The following ALLC variants were observed in gnomAD, a reference collection of about 807,000 sequenced individuals.
ALLC encodes allantoicase.
ALLC carries 40 observed loss-of-function variants against 45.0 expected under a neutral mutation model. That is an observed-to-expected ratio of 0.89 (90% CI 0.69 to 1.16). The LOEUF is 1.16. Among genes scored for constraint, ALLC ranks in the 50% most tolerant of loss-of-function variants. The probability of loss-of-function intolerance (pLI) is 0.00; values close to 1 mark genes in which losing one functional copy is unlikely to be tolerated. For missense variants in ALLC, 488 were observed against 493.1 expected, an observed-to-expected ratio of 0.99 and a Z score of 0.10; for synonymous variants, 176 against 178.1, an observed-to-expected ratio of 0.99 and a Z score of 0.09.
At chr2:3,690,728 T>C (rs1188097872) in intron 7 of ALLC, among the ~76,000 whole-genome samples, 1 of 151,944 alleles carries the variant, frequency 6.6e-6, no homozygotes, top group East Asian at 1.9e-4. Flanking sequence ...TTTGACTTCA[T>C]GTTGTCTCAA....
rs375399139 is a variant in ALLC at position 3,660,301 on chromosome 2, G to A, written c.-63+2007G>A. On this transcript the variant is annotated intron_variant, in intron 1 of 11. Transcript: ENST00000252505. ...GGAGTGGAAGCAGCCTGAGGCCCTC[G>A]CTGGAAGCATATGCTAGCGCCGTGC... Among the ~76,000 whole-genome samples the A allele has an allele frequency of 1.8e-4, 28 of 152,252 alleles. No individual in the cohort carries two copies. In the East Asian group the frequency reaches 2.7e-3, roughly 15 times the overall value.
At chr2:3,651,809 C>T in the ALLC span, among the ~76,000 whole-genome samples, 1 of 152,082 alleles carries the variant, frequency 6.6e-6, no homozygotes, top group African/African-American at 2.4e-5. Context: ...TCCTTATTCG[C>T]GGGCAGCTAT....
upstream of ALLC, among the ~76,000 whole-genome samples, chr2:3,657,557 C>G (rs1666471466): frequency 6.6e-6 from 1 of 152,160 alleles, no homozygotes; most frequent in Admixed American, 6.5e-5. Context: ...GATAGCTTGC[C>G]CCGCAGGGTG....
At chr2:3,656,449 G>A (rs116436166), upstream of ALLC, among the ~76,000 whole-genome samples, 444 of 152,356 alleles carry the variant, frequency 2.9e-3, 1 homozygote, top group African/African-American at 0.01. Flanking sequence ...CCAGCCTGTC[G>A]CCTCTGCCGC....
rs146220557 is a variant in ALLC at position 3,701,656 on chromosome 2, C to G, written c.975+20C>G. On this transcript the variant is annotated intron_variant, in intron 11 of 11. Coordinates refer to ENST00000252505, the MANE Select transcript of ALLC (RefSeq NM_018436.4). ...ACCAAGGTTCGTGTGGCATGTTATT[C>G]GGATCCAGCACTCAGACTGTGCTAT... The G allele has an allele frequency of 6.2e-7, 1 of 1,606,112 alleles. No individual in the cohort carries two copies. The highest frequency in any genetic ancestry group is 1.1e-5 in the South Asian group (1 of 89,826).
upstream of ALLC, among the ~76,000 whole-genome samples, chr2:3,657,041 C>T (rs550889819): frequency 9.9e-5 from 15 of 152,260 alleles, 1 homozygote; most frequent in South Asian, 2.7e-3. Context: ...GACGAAGCCA[C>T]GTGCATTAAT....
chr2:3,648,452 C>T, the ALLC span, among the ~76,000 whole-genome samples: 2 of 152,206 alleles, frequency 1.3e-5, no homozygotes, highest in Non-Finnish European at 2.9e-5. Context: ...TCTTCCTCAC[C>T]TGCACGGCGG....
At chr2:3,651,706 G>A in the ALLC span, among the ~76,000 whole-genome samples, 1 of 151,992 alleles carries the variant, frequency 6.6e-6, no homozygotes, top group Non-Finnish European at 1.5e-5. Flanking sequence ...AACCCCATGC[G>A]GAGCTCCATC....
At chr2:3,684,471 T>TG (rs1212403803) in intron 7 of ALLC, among the ~76,000 whole-genome samples, 1 of 152,198 alleles carries the variant, frequency 6.6e-6, no homozygotes, top group Non-Finnish European at 1.5e-5. Flanking sequence ...TTTGGTTACA[T>TG]GGATAAGTTC....
intron 7 of ALLC, among the ~76,000 whole-genome samples, chr2:3,684,982 A>G (rs1057284887): frequency 6.6e-5 from 10 of 152,114 alleles, no homozygotes; most frequent in African/African-American, 2.2e-4. Context: ...CTTTGATTTC[A>G]TATTTTGGCT....
intron 1 of ALLC, among the ~76,000 whole-genome samples, chr2:3,662,872 C>T (rs915359854): frequency 6.6e-5 from 10 of 152,084 alleles, no homozygotes; most frequent in Admixed American, 1.3e-4. Flanking sequence ...GTTGCAGTGG[C>T]GAGGGGATAT....
At position 3,702,496 on chromosome 2, in the gene ALLC, T is replaced by C; in HGVS notation, c.1109T>C (p.Ile370Thr). 1.2e-6 allele frequency: 2 copies of C among 1,611,024 alleles called. No individual in the cohort carries two copies. The highest frequency in any genetic ancestry group is 1.7e-6 in the Non-Finnish European group (2 of 1,179,116). ...RLRLRGFPSSICLLRPREKPM... is the reference protein window; with the variant it reads ...RLRLRGFPSSTCLLRPREKPM... Reference sequence around the variant, plus strand: ...CGGCTCCGGGGCTTCCCCAGCTCCATCTGCCTCCTGAGGCCCCGGGAGAAG... The same window carrying C: ...CGGCTCCGGGGCTTCCCCAGCTCCACCTGCCTCCTGAGGCCCCGGGAGAAG... The change falls in exon 12 of 12, where the codon ATC (isoleucine) becomes ACC (threonine). Residue 370 changes from isoleucine (I) to threonine (T), a missense_variant. Transcript: ENST00000252505.
At chr2:3,693,920 G>A (rs1465700416) in intron 7 of ALLC, among the ~76,000 whole-genome samples, 6 of 152,106 alleles carry the variant, frequency 3.9e-5, no homozygotes, top group South Asian at 2.1e-4. Flanking sequence ...CCCGGGAGGC[G>A]GAGGTTGCAG....
chr2:3,671,470 G>T (rs1303340141), intron 2 of ALLC, among the ~76,000 whole-genome samples: 1 of 152,274 alleles, frequency 6.6e-6, no homozygotes, highest in Admixed American at 6.5e-5. Context: ...GCTCTAGTTA[G>T]ATCTGAGGTC....
chr2:3,655,546 G>T (rs535212218), upstream of ALLC, among the ~76,000 whole-genome samples: 23 of 152,302 alleles, frequency 1.5e-4, no homozygotes, highest in South Asian at 4.8e-3. Context: ...GCCTTGAACT[G>T]CTGGGCTCAA....
chr2:3,679,854 C>T lies in ALLC; in HGVS notation c.173-15C>T. 1 of 1,613,618 alleles carries T rather than the reference C, an allele frequency of 6.2e-7. No individual in the cohort carries two copies. Among genetic ancestry groups the T allele is most frequent in the Non-Finnish European group, 8.5e-7 (1 of 1,179,822 alleles). ...TGGCCCTAACGAGACTGCTCTTGTC[C>T]TCTGTGTTGCGCAGGTCACGACTGG... On this transcript the variant is annotated splice_polypyrimidine_tract_variant and intron_variant, in intron 4 of 11. Transcript: ENST00000252505.
In ALLC at chr2:3,659,992, A is replaced by G. The variant is rs115297167; in HGVS notation, c.-63+1698A>G. On this transcript the variant is annotated intron_variant, in intron 1 of 11. Coordinates refer to ENST00000252505, the MANE Select transcript of ALLC (RefSeq NM_018436.4). ...TCTTAGGGGTGGGGAGACTTTTCAC[A>G]TAACAGCCTTTGAGGTTGTGGGGTG... Among the ~76,000 whole-genome samples, 1,111 of 152,320 alleles carry G rather than the reference A, an allele frequency of 7.3e-3. 16 individuals are homozygous for G. Among genetic ancestry groups the G allele is most frequent in the African/African-American group, 0.026 (1,062 of 41,570 alleles).
At chr2:3,699,139 A>G (rs772826386) in intron 10 of ALLC, among the ~76,000 whole-genome samples, 4 of 152,310 alleles carry the variant, frequency 2.6e-5, no homozygotes, top group South Asian at 2.1e-4. Context: ...GGTATCAAGT[A>G]TGGTACCCGA....
chr2:3,685,804 G>T (rs1454582640), intron 7 of ALLC, among the ~76,000 whole-genome samples: 1 of 150,944 alleles, frequency 6.6e-6, no homozygotes, highest in Admixed American at 6.6e-5. Context: ...TATCTATTCA[G>T]AACTTTTGCC....
Sources: allele counts gnomAD v4.1 joint callset (sites outside exome capture counted in the v4.1 genomes callset), GRCh38; gene constraint gnomAD v4.1.1; transcripts MANE v1.5; gene names NCBI Gene and HGNC (gene_info 2026-07-23, HGNC 2026-07-21).